The following SNW1 variants were observed in gnomAD, a reference collection of about 807,000 sequenced individuals.
SNW1 encodes the protein SNW domain containing 1, also known as SNW domain-containing protein 1.
In SNW1, 9 loss-of-function variants were observed where a neutral mutation model predicts 75.6. That is an observed-to-expected ratio of 0.12 (90% CI 0.07 to 0.21). The LOEUF (loss-of-function observed/expected upper bound fraction) is 0.21. Ranked by LOEUF, SNW1 falls within the 10% of genes least tolerant of loss-of-function variation. The probability of loss-of-function intolerance (pLI) is 1.00; values close to 1 mark genes in which losing one functional copy is unlikely to be tolerated. For missense variants in SNW1, 409 were observed against 670.9 expected (o/e 0.61, Z 4.31); for synonymous variants, 200 against 219.1 (o/e 0.91, Z 0.77).
chr14:77,755,072 T>C lies in SNW1; in HGVS notation c.63A>G (p.Glu21=). The C allele has an allele frequency of 6.2e-7, 1 of 1,613,162 alleles. No individual in the cohort carries two copies. Among genetic ancestry groups the C allele is most frequent in the Middle Eastern group, 1.9e-4 (1 of 5,362 alleles). The change falls in exon 2 of 14, where the codon GAA becomes GAG. Residue 21 remains glutamate (E), a synonymous_variant. Coordinates refer to ENST00000261531, the MANE Select transcript of SNW1 (RefSeq NM_012245.3). ...TQLSQDQLEA[E]EKARSQRSRQ... ...GTGATCTCTGGGATCTTGCCTTTTCTTCAGCCTCAAGCTGGTCCTGAGATA... is the reference window on the plus strand; with the variant it reads ...GTGATCTCTGGGATCTTGCCTTTTCCTCAGCCTCAAGCTGGTCCTGAGATA...
chr14:77,729,234 C>T (rs1322375390), intron 10 of SNW1, among the ~76,000 whole-genome samples: 1 of 152,086 alleles, frequency 6.6e-6, no homozygotes, highest in African/African-American at 2.4e-5. Flanking sequence ...GCAGTCTTCC[C>T]AATATTAGTA....
At chr14:77,752,834 A>C (rs919544173) in intron 2 of SNW1, among the ~76,000 whole-genome samples, 3 of 152,214 alleles carry the variant, frequency 2.0e-5, no homozygotes. Context: ...CCTAAGTACA[A>C]TATGCTTATT....
rs776363733 is a variant in SNW1, at chr14:77,718,475, T to C, written c.1304A>G (p.Gln435Arg). 6.2e-7 allele frequency: 1 copy of C among 1,614,012 alleles called. No individual in the cohort carries two copies. Among genetic ancestry groups the C allele is most frequent in the South Asian group, 1.1e-5 (1 of 91,074 alleles). Reference protein sequence around the residue: ...GEDEIYNVYDQAWRGGKDMAQ... With the variant: ...GEDEIYNVYDRAWRGGKDMAQ... Reference sequence around the variant, plus strand: ...CATATCTTTACCACCTCTCCAGGCTTGATCATAAACATTATAAATTTCATC... The same window carrying C: ...CATATCTTTACCACCTCTCCAGGCTCGATCATAAACATTATAAATTTCATC... Residue 435 changes from glutamine (Q) to arginine (R), a missense_variant, in exon 13 of 14, where the codon CAA (glutamine) becomes CGA (arginine). By Grantham distance (43) the Gln-to-Arg change is conservative. Transcript: ENST00000261531.
chr14:77,720,615 G>A (rs937898768), intron 12 of SNW1, 96 bp downstream of exon 12: 7 of 854,900 alleles, frequency 8.2e-6, no homozygotes, highest in Non-Finnish European at 1.4e-5. Context: ...TCATCATGCT[G>A]GCATTTACAT....
chr14:77,760,906 G>A, intron 1 of SNW1: 2 of 1,127,510 alleles, frequency 1.8e-6, no homozygotes, highest in South Asian at 1.3e-5. Context: ...CGGTGAGCGG[G>A]TGAACTAAAC....
At chr14:77,720,011 A>G (rs2139889889) in intron 12 of SNW1, among the ~76,000 whole-genome samples, 1 of 152,350 alleles carries the variant, frequency 6.6e-6, no homozygotes, top group South Asian at 2.1e-4. Context: ...GGTACTAGAA[A>G]TCAGATTTCC....
At chr14:77,718,995 T>C (rs1176109818) in intron 12 of SNW1, among the ~76,000 whole-genome samples, 2 of 152,154 alleles carry the variant, frequency 1.3e-5, no homozygotes, top group African/African-American at 2.4e-5. Context: ...TCACTGGAGC[T>C]GTGACCTCCC....
At chr14:77,723,811 T>C (rs1240553039) in intron 10 of SNW1, among the ~76,000 whole-genome samples, 1 of 152,194 alleles carries the variant, frequency 6.6e-6, no homozygotes, top group Non-Finnish European at 1.5e-5. Context: ...TGCACCACCA[T>C]GCCGGGCTAA....
In SNW1 at chr14:77,739,487, T is replaced by G. The variant is rs180999809; in HGVS notation, c.331-426A>C. On this transcript the variant is annotated intron_variant, in intron 3 of 13. Coordinates refer to ENST00000261531, the MANE Select transcript of SNW1 (RefSeq NM_012245.3). ...TCCAAATTCACTGGGCCTGAAAAAT[T>G]TTATTGACCTCATCCTATTTATAAC... Among the ~76,000 whole-genome samples, 57 of 152,206 alleles carry G rather than the reference T, an allele frequency of 3.7e-4. 1 individual carries two copies. In the East Asian group the frequency reaches 0.01, roughly 28 times the overall value.
At chr14:77,759,689 C>CT (rs2080870538) in intron 1 of SNW1, among the ~76,000 whole-genome samples, 1 of 152,140 alleles carries the variant, frequency 6.6e-6, no homozygotes, top group African/African-American at 2.4e-5. Context: ...ACTAAACAAA[C>CT]TCTTGGCTGG....
chr14:77,718,370 T>G lies in SNW1; in HGVS notation c.1409A>C (p.Asn470Thr), dbSNP rs551421793. ...GDDLEARIKT[N>T]RFVPDKEFSG... ...ATTGAGTTGTATGGCTTGGCACCTG[T>G]TGGTCTTTATTCTGGCTTCTAGGTC... The change falls in exon 13 of 14, where the codon AAC (asparagine) becomes ACC (threonine). Residue 470 changes from asparagine to threonine, a missense_variant. Asn to Thr is a moderately conservative substitution (Grantham distance 65). Coordinates refer to ENST00000261531, the MANE Select transcript of SNW1 (RefSeq NM_012245.3). 1 of 1,614,216 alleles carries G rather than the reference T, an allele frequency of 6.2e-7. No homozygotes were observed. Among genetic ancestry groups the G allele is most frequent in the African/African-American group, 1.3e-5 (1 of 75,050 alleles).
At position 77,717,964 on chromosome 14, in the gene SNW1, A is replaced by G. The variant is rs1285050747; in HGVS notation, c.*124T>C. On this transcript the variant is annotated 3_prime_UTR_variant, in exon 14 of 14. Transcript: ENST00000261531. ...CCCCCCCATTTCTCCAGTAATAAAA[A>G]GTAGTGCTGGGATCTGGCACCCAGA... 1.2e-6 allele frequency: 1 copy of G among 808,846 alleles called. No individual in the cohort carries two copies. Among genetic ancestry groups the G allele is most frequent in the Non-Finnish European group, 1.9e-6 (1 of 515,502 alleles). The allele number at this position is 808,846 out of a possible 1,614,324, so 50.1% of individuals were successfully genotyped here.
rs905742975 is a variant in SNW1, at chr14:77,736,825, T to C, written c.638+146A>G. 8.5e-6 allele frequency: 5 copies of C among 590,206 alleles called. No individual in the cohort carries two copies. In the African/African-American group the frequency reaches 9.4e-5, roughly 11 times the overall value. The allele number at this position is 590,206 out of a possible 1,614,324, so 36.6% of individuals were successfully genotyped here. On this transcript the variant is annotated intron_variant, in intron 6 of 13. Coordinates refer to ENST00000261531, the MANE Select transcript of SNW1 (RefSeq NM_012245.3). ...ACCACCTATCTACTTTCTGTAACTA[T>C]AGGTTAGTTTGCATTTCCTGGAGTT...
chr14:77,756,129 T>C (rs1469940933), intron 1 of SNW1, among the ~76,000 whole-genome samples: 2 of 150,644 alleles, frequency 1.3e-5, no homozygotes, highest in Non-Finnish European at 3.0e-5. Context: ...TTATACTCCT[T>C]TTTTTTTTTG....
intron 13 of SNW1, 32 bp from the exon 14 acceptor site, chr14:77,718,318 T>G (rs17825620): frequency 0.2 from 326,095 of 1,613,894 alleles, 34,955 homozygotes; most frequent in Non-Finnish European, 0.22. Context: ...TATGAACTAC[T>G]TTGCTTTCAC....
chr14:77,720,780 A>T lies in SNW1; in HGVS notation c.1179T>A (p.Ala393=). The T allele has an allele frequency of 6.2e-7, 1 of 1,614,030 alleles. No individual in the cohort carries two copies. The highest frequency in any genetic ancestry group is 8.5e-7 in the Non-Finnish European group (1 of 1,179,976). The change falls in exon 12 of 14, where the codon GCT becomes GCA. Residue 393 remains alanine (A), a synonymous_variant. Coordinates refer to ENST00000261531, the MANE Select transcript of SNW1 (RefSeq NM_012245.3). ...AAGTCCGAGGATTAGGAACACCGAG[A>T]GCAATAACTTCACTGATATCCCGAT... ...NENRDISEVI[A]LGVPNPRTSN...
chr14:77,731,679 A>T (rs1323726309), intron 9 of SNW1, among the ~76,000 whole-genome samples: 4 of 152,244 alleles, frequency 2.6e-5, no homozygotes, highest in African/African-American at 9.6e-5. Flanking sequence ...TTTATGTTCC[A>T]AACACATGCT....
rs201415751 is a variant in SNW1 at position 77,735,899 on chromosome 14, G to C, written c.708+38C>G. ...GGTTATCTATAAAATTAATAACCAT[G>C]AGTAGAAAAAAATATTTTGGACTAC... On this transcript the variant is annotated intron_variant, in intron 7 of 13. Transcript: ENST00000261531. 121 of 1,531,476 alleles carry C rather than the reference G, an allele frequency of 7.9e-5. No individual in the cohort carries two copies. The African/African-American group carries it at 1.6e-3, about 20-fold the overall frequency. 94.9% of individuals were successfully genotyped at this position (1,531,476 alleles called of 1,614,324 possible).
intron 10 of SNW1, among the ~76,000 whole-genome samples, chr14:77,723,766 T>A (rs2080562713): frequency 6.6e-6 from 1 of 152,146 alleles, no homozygotes; most frequent in Non-Finnish European, 1.5e-5. Flanking sequence ...GCGATTCTCC[T>A]GCCTCAGCCT....
Sources: allele counts gnomAD v4.1 joint callset (sites outside exome capture counted in the v4.1 genomes callset), GRCh38; gene constraint gnomAD v4.1.1; transcripts MANE v1.5; gene names NCBI Gene and HGNC (gene_info 2026-07-23, HGNC 2026-07-21).